Variants in SERGEF observed in about 807,000 individuals in gnomAD.
SERGEF encodes secretion-regulating guanine nucleotide exchange factor.
In SERGEF, 51 loss-of-function variants were observed where a neutral mutation model predicts 50.0. The observed-to-expected ratio is 1.02, with a 90% confidence interval of 0.81 to 1.29. SERGEF has a LOEUF of 1.29. Ranked by LOEUF, SERGEF falls within the 50% of genes most tolerant of loss-of-function variation. The probability of loss-of-function intolerance (pLI) is 0.00; values close to 1 mark genes in which losing one functional copy is unlikely to be tolerated. For synonymous variants in SERGEF, 205 were observed against 212.4 expected (o/e 0.97, Z 0.30); for missense variants, 521 against 557.0 (o/e 0.94, Z 0.65).
chr11:17,852,582 A>G (rs1282192573), intron 10 of SERGEF, among the ~76,000 whole-genome samples: 1 of 152,218 alleles, frequency 6.6e-6, no homozygotes, highest in Non-Finnish European at 1.5e-5. Flanking sequence ...CATGATTATC[A>G]CAGACTTTTA....
chr11:17,843,999 T>C (rs192353247), intron 10 of SERGEF, among the ~76,000 whole-genome samples: 7 of 152,296 alleles, frequency 4.6e-5, no homozygotes, highest in South Asian at 4.1e-4. Flanking sequence ...CCCAAATCTA[T>C]TGATCTGGAA....
At chr11:17,872,995 G>T (rs1851172416) in intron 10 of SERGEF, among the ~76,000 whole-genome samples, 1 of 152,168 alleles carries the variant, frequency 6.6e-6, no homozygotes, top group Admixed American at 6.5e-5. Flanking sequence ...CTAGTAACAG[G>T]CATTACCTGC....
intron 9 of SERGEF, among the ~76,000 whole-genome samples, chr11:17,926,295 C>A (rs1852247077): frequency 6.6e-6 from 1 of 152,020 alleles, no homozygotes; most frequent in African/African-American, 2.4e-5. Flanking sequence ...GAGCCTCTGC[C>A]ACCTCTGCTA....
intron 8 of SERGEF, among the ~76,000 whole-genome samples, chr11:17,977,062 T>C (rs2237909): frequency 0.32 from 48,339 of 152,134 alleles, 9,269 homozygotes; most frequent in East Asian, 0.5. Context: ...AACACAGCCA[T>C]TGGAAATAGC....
chr11:17,911,576 C>T (rs1851954574), intron 9 of SERGEF, among the ~76,000 whole-genome samples: 1 of 151,728 alleles, frequency 6.6e-6, no homozygotes, highest in South Asian at 2.1e-4. Flanking sequence ...TAATCTCCAC[C>T]TCCCAGGCTC....
rs749623076 is a variant in SERGEF at position 17,995,902 on chromosome 11, G to A, written c.516C>T (p.Gly172=). The A allele has an allele frequency of 1.2e-6, 2 of 1,611,760 alleles. No homozygotes were observed. The highest frequency in any genetic ancestry group is 1.7e-6 in the Non-Finnish European group (2 of 1,178,062). Residue 172 remains glycine, a synonymous_variant, in exon 6 of 11, where the codon GGC becomes GGT. Coordinates refer to ENST00000265965, the MANE Select transcript of SERGEF (RefSeq NM_012139.4). ...AACCAGTCCCCCACTGGAACACGATGCCACTCGCTTCCCAACAGAATGGAA... is the reference window on the plus strand; with the variant it reads ...AACCAGTCCCCCACTGGAACACGATACCACTCGCTTCCCAACAGAATGGAA... The part of the protein sequence containing the change: ...LRHAVAATAS[G]IVFQWGTGLA...
At chr11:18,005,642 G>T in intron 3 of SERGEF, among the ~76,000 whole-genome samples, 1 of 152,146 alleles carries the variant, frequency 6.6e-6, no homozygotes, top group Non-Finnish European at 1.5e-5. Context: ...ACCACAGATG[G>T]TCCTTTAAAT....
intron 10 of SERGEF, among the ~76,000 whole-genome samples, chr11:17,792,567 T>C (rs1009996284): frequency 1.3e-5 from 2 of 152,166 alleles, no homozygotes; most frequent in African/African-American, 4.8e-5. Context: ...AGAGCCAGGA[T>C]TTTCATGCCC....
rs144727594 is a variant in SERGEF at position 17,800,686 on chromosome 11, G to A, written c.1049-12273C>T. Reference sequence around the variant, plus strand: ...AAACAGTATATGATTTAGAAGGGCAGGTAGTTGGGAAGTCCTCCCCAATAA... The same window carrying A: ...AAACAGTATATGATTTAGAAGGGCAAGTAGTTGGGAAGTCCTCCCCAATAA... On this transcript the variant is annotated intron_variant, in intron 10 of 10. Transcript: ENST00000265965. 3.3e-5 allele frequency among the ~76,000 whole-genome samples: 5 copies of A among 152,196 alleles called. No individual in the cohort carries two copies. The South Asian group carries it at 8.3e-4, about 25-fold the overall frequency.
chr11:17,841,834 C>G (rs768883522), intron 10 of SERGEF, among the ~76,000 whole-genome samples: 2 of 152,204 alleles, frequency 1.3e-5, no homozygotes, highest in Non-Finnish European at 2.9e-5. Flanking sequence ...TAAGCTGCCT[C>G]TCACCATGGG....
chr11:17,815,862 C>T (rs928304132), intron 10 of SERGEF, among the ~76,000 whole-genome samples: 1 of 152,128 alleles, frequency 6.6e-6, no homozygotes, highest in Non-Finnish European at 1.5e-5. Context: ...GCAGAGGTTG[C>T]AGTGATCCCA....
At chr11:17,840,828 G>A (rs762254712) in intron 10 of SERGEF, among the ~76,000 whole-genome samples, 28 of 152,164 alleles carry the variant, frequency 1.8e-4, no homozygotes, top group Non-Finnish European at 3.5e-4. Context: ...TGGGGCTGTC[G>A]CTTCTGAAGT....
chr11:17,878,377 C>T, intron 9 of SERGEF, 133 bp from the exon 10 acceptor site: 1 of 635,186 alleles, frequency 1.6e-6, no homozygotes, highest in Non-Finnish European at 2.8e-6. Context: ...AGAAGCATCA[C>T]ATACAAAAGT....
intron 8 of SERGEF, among the ~76,000 whole-genome samples, chr11:17,985,168 C>A (rs1853568324): frequency 6.6e-6 from 1 of 152,136 alleles, no homozygotes; most frequent in Admixed American, 6.5e-5. Flanking sequence ...GTGGCATTAT[C>A]CCTGTGGAAA....
intron 8 of SERGEF, among the ~76,000 whole-genome samples, chr11:17,978,627 TC>T (rs1853429169): frequency 6.6e-6 from 1 of 152,196 alleles, no homozygotes; most frequent in Non-Finnish European, 1.5e-5. Context: ...CCCCTGGATC[TC>T]CATGGGGCAG....
At chr11:17,948,091 G>T (rs973672935) in intron 9 of SERGEF, among the ~76,000 whole-genome samples, 1 of 151,836 alleles carries the variant, frequency 6.6e-6, no homozygotes. Context: ...ACATCGCCAT[G>T]CCTAATGTTT....
chr11:17,844,922 C>CA (rs150086214), intron 10 of SERGEF, among the ~76,000 whole-genome samples: 46,051 of 146,758 alleles, frequency 0.31, 7,712 homozygotes, highest in Admixed American at 0.45. Flanking sequence ...ACAAAACAAA[C>CA]AAACAAAAAA....
intron 9 of SERGEF, among the ~76,000 whole-genome samples, chr11:17,925,582 G>A (rs573936661): frequency 1.6e-4 from 24 of 152,240 alleles, no homozygotes; most frequent in African/African-American, 5.1e-4. Flanking sequence ...AGGCAGCAAT[G>A]GTGCTTGGTT....
intron 1 of SERGEF, among the ~76,000 whole-genome samples, chr11:18,009,272 AC>A (rs1212007935): frequency 6.6e-6 from 1 of 152,000 alleles, no homozygotes; most frequent in Non-Finnish European, 1.5e-5. Context: ...TCCTCAGAAC[AC>A]CATGATTTCG....
Sources: gnomAD v4.1 joint callset for allele counts (sites outside exome capture counted in the v4.1 genomes callset) on GRCh38, gnomAD v4.1.1 for gene constraint, MANE v1.5 for transcripts, NCBI Gene and HGNC (gene_info 2026-07-23, HGNC 2026-07-21) for gene names.